Variants in OCA2 observed in about 807,000 individuals in gnomAD.
OCA2 encodes P protein.
Under a neutral mutation model 100.2 loss-of-function variants are expected in OCA2, and 77 were observed. The ratio of observed to expected loss-of-function variants is 0.77; its 90% CI spans 0.64 to 0.93. The LOEUF (loss-of-function observed/expected upper bound fraction) is 0.93. Among genes scored for constraint, OCA2 ranks in the 40% least tolerant of loss-of-function variants. The probability of loss-of-function intolerance (pLI) is 0.00; values close to 1 mark genes in which losing one functional copy is unlikely to be tolerated. For missense variants in OCA2, 1,062 were observed against 1,089.1 expected (o/e 0.98, Z 0.35); for synonymous variants, 432 against 439.2 (o/e 0.98, Z 0.21).
rs573972715 is a variant in OCA2 at position 27,966,927 on chromosome 15, A to C, written c.1504-105T>G. 1.6e-4 allele frequency: 195 copies of C among 1,257,840 alleles called. 1 individual carries two copies. Among genetic ancestry groups the C allele is most frequent in the Non-Finnish European group, 2.3e-5 (20 of 885,444 alleles). The allele number at this position is 1,257,840 out of a possible 1,614,324, so 77.9% of individuals were successfully genotyped here. A position where few individuals can be genotyped will look rare whatever the true frequency, so the allele number is the denominator to read the frequency against. On this transcript the variant is annotated intron_variant, in intron 14 of 23. Coordinates refer to ENST00000354638, the MANE Select transcript of OCA2 (RefSeq NM_000275.3). ...GGTGGATCACGAGGTCCGGAGATGG[A>C]GACCATCCTGGCTAACACAGTGAAA...
chr15:27,984,913 A>G (rs925137635), intron 13 of OCA2, 151 bp downstream of exon 13: 17 of 897,472 alleles, frequency 1.9e-5, no homozygotes, highest in African/African-American at 3.3e-5. Flanking sequence ...CAAAGCAGAC[A>G]CGAGCTGGAC....
chr15:27,772,959 C>T (rs1406306876), intron 23 of OCA2, among the ~76,000 whole-genome samples: 1 of 151,796 alleles, frequency 6.6e-6, no homozygotes, highest in Non-Finnish European at 1.5e-5. Flanking sequence ...CTATTAATTT[C>T]CCCTTATATT....
At chr15:27,740,415 C>T in the OCA2 span, among the ~76,000 whole-genome samples, 1 of 152,090 alleles carries the variant, frequency 6.6e-6, no homozygotes, top group Non-Finnish European at 1.5e-5. Flanking sequence ...CTGACCATCG[C>T]CCCTGGGAGG....
chr15:27,958,305 T>G (rs2040298985), intron 15 of OCA2, among the ~76,000 whole-genome samples: 1 of 152,232 alleles, frequency 6.6e-6, no homozygotes. Flanking sequence ...CCCAACAACA[T>G]TTCCCCTTCT....
chr15:27,979,877 T>TG (rs2041095353), intron 14 of OCA2, among the ~76,000 whole-genome samples: 1 of 148,466 alleles, frequency 6.7e-6, no homozygotes, highest in African/African-American at 2.5e-5. Context: ...TGTTTTTTTT[T>TG]TTTTTTTTTT....
chr15:27,778,731 A>G (rs1315346945), intron 23 of OCA2, among the ~76,000 whole-genome samples: 2 of 152,210 alleles, frequency 1.3e-5, no homozygotes, highest in Admixed American at 6.5e-5. Flanking sequence ...AACTAGACCA[A>G]GTGAGGAAAG....
intron 19 of OCA2, among the ~76,000 whole-genome samples, chr15:27,897,995 T>C (rs1188184527): frequency 6.6e-6 from 1 of 152,182 alleles, no homozygotes; most frequent in African/African-American, 2.4e-5. Context: ...ATGGGGCCTG[T>C]AGCCCCTTGG....
intron 15 of OCA2, among the ~76,000 whole-genome samples, chr15:27,966,243 G>A (rs1271823497): frequency 6.6e-6 from 1 of 152,200 alleles, no homozygotes; most frequent in Non-Finnish European, 1.5e-5. Flanking sequence ...CCAAAGTGCT[G>A]GGATTACAGG....
At chr15:27,771,196 TC>T (rs1213454722) in intron 23 of OCA2, among the ~76,000 whole-genome samples, 1 of 150,344 alleles carries the variant, frequency 6.7e-6, no homozygotes, top group Non-Finnish European at 1.5e-5. Flanking sequence ...CTCCATCAGG[TC>T]CCCTCACACC....
At chr15:28,076,127 A>T (rs2044419502) in intron 2 of OCA2, among the ~76,000 whole-genome samples, 1 of 152,244 alleles carries the variant, frequency 6.6e-6, no homozygotes, top group African/African-American at 2.4e-5. Flanking sequence ...CACTCTGAGC[A>T]CAATTATGTA....
intron 2 of OCA2, among the ~76,000 whole-genome samples, chr15:28,073,291 A>G (rs1025092162): frequency 6.6e-6 from 1 of 152,136 alleles, no homozygotes; most frequent in African/African-American, 2.4e-5. Flanking sequence ...GCGAGCAACT[A>G]TAATCCCAGC....
intron 23 of OCA2, among the ~76,000 whole-genome samples, chr15:27,770,277 G>C (rs985118643): frequency 7.2e-5 from 11 of 152,204 alleles, no homozygotes; most frequent in Non-Finnish European, 1.5e-4. Flanking sequence ...GGTCGCGCGC[G>C]GGGCCACGGA....
intron 23 of OCA2, among the ~76,000 whole-genome samples, chr15:27,787,104 G>A (rs918130524): frequency 3.9e-5 from 6 of 152,070 alleles, no homozygotes; most frequent in African/African-American, 1.2e-4. Context: ...ATTTTTGAAT[G>A]TTAAAGCAAA....
At chr15:28,087,665 T>C (rs1167172120) in intron 1 of OCA2, among the ~76,000 whole-genome samples, 4 of 152,204 alleles carry the variant, frequency 2.6e-5, no homozygotes, top group African/African-American at 7.2e-5. Flanking sequence ...GAGAATCACC[T>C]GAGCCAGGAA....
chr15:27,805,063 G>A (rs900836811), intron 23 of OCA2, among the ~76,000 whole-genome samples: 1 of 152,220 alleles, frequency 6.6e-6, no homozygotes, highest in African/African-American at 2.4e-5. Context: ...GCCCCTGCAA[G>A]GGAGGCCCTG....
chr15:27,858,813 A>C (rs1258243431), intron 21 of OCA2, among the ~76,000 whole-genome samples: 4 of 152,136 alleles, frequency 2.6e-5, no homozygotes, highest in Admixed American at 2.6e-4. Context: ...AACAATTCTC[A>C]ATAAATTTTA....
At chr15:27,845,505 C>A (rs1189018428) in intron 22 of OCA2, among the ~76,000 whole-genome samples, 1 of 152,166 alleles carries the variant, frequency 6.6e-6, no homozygotes, top group Non-Finnish European at 1.5e-5. Flanking sequence ...CAGGTGGAAC[C>A]CCTTTCCTTC....
intron 5 of OCA2, among the ~76,000 whole-genome samples, chr15:28,023,355 T>C (rs528115603): frequency 6.6e-6 from 1 of 152,238 alleles, no homozygotes; most frequent in South Asian, 2.1e-4. Context: ...AGAAGTTGAC[T>C]GTACTCAGCT....
intron 7 of OCA2, among the ~76,000 whole-genome samples, chr15:28,016,789 T>G (rs1380205950): frequency 6.6e-6 from 1 of 151,970 alleles, no homozygotes; most frequent in Non-Finnish European, 1.5e-5. Flanking sequence ...CTCTAAAAAT[T>G]TTCTAATATA....
Sources: gnomAD v4.1 joint callset for allele counts (sites outside exome capture counted in the v4.1 genomes callset) on GRCh38, gnomAD v4.1.1 for gene constraint, MANE v1.5 for transcripts, NCBI Gene and HGNC (gene_info 2026-07-23, HGNC 2026-07-21) for gene names.